RNF14: variants seen among roughly 807,000 people sequenced by gnomAD.
RNF14 encodes E3 ubiquitin-protein ligase RNF14.
In RNF14, 26 loss-of-function variants were observed where a neutral mutation model predicts 52.6. That is an observed-to-expected ratio of 0.49 (90% CI 0.36 to 0.69). The LOEUF (loss-of-function observed/expected upper bound fraction) is 0.69, where lower values mean the gene tolerates loss of function less well. Among genes scored for constraint, RNF14 ranks in the 30% least tolerant of loss-of-function variants. The pLI, the probability that RNF14 is intolerant of heterozygous loss-of-function variation, is 0.00. For synonymous variants in RNF14, 194 were observed against 202.0 expected, an observed-to-expected ratio of 0.96 and a Z score of 0.34; for missense variants, 404 against 560.4, an observed-to-expected ratio of 0.72 and a Z score of 2.82.
exon 1 of RNF14, chr5:141,958,362 A>T (rs138264607): frequency 1.7e-3 from 268 of 156,546 alleles, no homozygotes; most frequent in Middle Eastern, 0.017. Context: ...GACAGGCCAG[A>T]TGGGAAGCTG....
chr5:141,976,776 C>CTTTTT (rs70991717), intron 4 of RNF14, among the ~76,000 whole-genome samples: 2 of 100,066 alleles, frequency 2.0e-5, no homozygotes, highest in Non-Finnish European at 3.9e-5. Context: ...CTTTCTCTCT[C>CTTTTT]TTTTTTTTTT....
chr5:141,957,640 A>G, upstream of RNF14: 3 of 1,614,202 alleles, frequency 1.9e-6, no homozygotes, highest in Non-Finnish European at 2.5e-6. This position sits in a 1 kb window ranked among gnomAD's most constrained non-coding sequence, Gnocchi z 4.3. Context: ...CGCCTGAGGC[A>G]GCTGCAACAC....
rs1755093001 is a variant in RNF14, at chr5:141,984,797, C to T, written c.1237-6C>T. On this transcript the variant is annotated splice_region_variant and splice_polypyrimidine_tract_variant and intron_variant, in intron 7 of 8. Transcript: ENST00000394520. ...GATATTTTTCTCTTTCTATCCTTCC[C>T]ACCAGAAATTAGACGGATGTAACAA... 6.2e-7 allele frequency: 1 copy of T among 1,613,460 alleles called. No individual in the cohort carries two copies. The highest frequency in any genetic ancestry group is 1.7e-5 in the Admixed American group (1 of 59,988).
chr5:141,959,396 T>C (rs1331244032), intron 1 of RNF14, among the ~76,000 whole-genome samples: 2 of 152,138 alleles, frequency 1.3e-5, no homozygotes, highest in Admixed American at 6.5e-5. Flanking sequence ...TGGGTGGGCT[T>C]TGAGGTGGCC....
intron 7 of RNF14, among the ~76,000 whole-genome samples, chr5:141,983,793 A>C (rs534118203): frequency 6.6e-6 from 1 of 152,190 alleles, no homozygotes; most frequent in East Asian, 1.9e-4. Flanking sequence ...ATCCACCTCA[A>C]AATTGAATGG....
upstream of RNF14, among the ~76,000 whole-genome samples, chr5:141,963,813 G>A (rs888985453): frequency 1.3e-5 from 2 of 152,150 alleles, no homozygotes; most frequent in African/African-American, 4.8e-5. Context: ...GCTCTTGCAG[G>A]AAGGAAAATG....
At chr5:141,964,763 G>A (rs893088985), upstream of RNF14, among the ~76,000 whole-genome samples, 20 of 148,126 alleles carry the variant, frequency 1.4e-4, no homozygotes, top group African/African-American at 4.8e-4. Flanking sequence ...ACAGGTGCCC[G>A]CCACCAAGCC....
In RNF14 at chr5:141,976,776, C is replaced by CTT. The variant is rs70991717; in HGVS notation, c.307-1498_307-1497dup. 1.8e-3 allele frequency among the ~76,000 whole-genome samples: 180 copies of CTT among 100,040 alleles called. 1 individual carries two copies. The highest frequency in any genetic ancestry group is 2.8e-3 in the Non-Finnish European group (141 of 51,244). 65.6% of individuals were successfully genotyped at this position (100,040 alleles called of 152,430 possible). A position where few individuals can be genotyped will look rare whatever the true frequency, so the allele number is the denominator to read the frequency against. On this transcript the variant is annotated intron_variant, in intron 4 of 8. Coordinates refer to ENST00000394520, the MANE Select transcript of RNF14 (RefSeq NM_004290.5). ...ATGCATTCCAGCTGCCTTTCTCTCT[C>CTT]TTTTTTTTTTTTTTTTTTTTTTTTT... is the stretch of plus-strand genomic sequence containing the variant.
upstream of RNF14, among the ~76,000 whole-genome samples, chr5:141,963,798 G>A (rs566982823): frequency 5.1e-4 from 78 of 152,206 alleles, 1 homozygote; most frequent in South Asian, 0.015. Flanking sequence ...CCTTGCTTCA[G>A]AAAGGCTCTT....
At chr5:141,968,261 A>G (rs1471291090), upstream of RNF14, among the ~76,000 whole-genome samples, 3 of 151,868 alleles carry the variant, frequency 2.0e-5, no homozygotes, top group Non-Finnish European at 4.4e-5. Context: ...GCCCGCCACC[A>G]TGCCCGGCTT....
chr5:141,955,699 G>A (rs147575499), upstream of RNF14: 60 of 1,614,142 alleles, frequency 3.7e-5, no homozygotes, highest in East Asian at 4.7e-4. This position sits in a 1 kb window ranked among gnomAD's most constrained non-coding sequence, Gnocchi z 5.5. Context: ...GCAGATCACC[G>A]TCAGCATCGA....
chr5:141,973,483 C>T (rs1753980561), intron 2 of RNF14, 100 bp from the exon 3 acceptor site: 16 of 920,036 alleles, frequency 1.7e-5, no homozygotes, highest in Non-Finnish European at 2.5e-5. Flanking sequence ...GGTGATCCGC[C>T]CGCCTCGGCC....
upstream of RNF14, chr5:141,954,869 C>T: frequency 7.0e-7 from 1 of 1,426,790 alleles, no homozygotes; most frequent in South Asian, 1.4e-5. Flanking sequence ...GCCAGGTGAG[C>T]CTAAGGAAGA....
chr5:141,963,782 T>G (rs2126939391), upstream of RNF14, among the ~76,000 whole-genome samples: 1 of 152,350 alleles, frequency 6.6e-6, no homozygotes, highest in South Asian at 2.1e-4. Flanking sequence ...ATCGGCCTAA[T>G]TCTCTCCTTG....
chr5:141,966,594 A>G (rs1753355095), upstream of RNF14, among the ~76,000 whole-genome samples: 1 of 152,242 alleles, frequency 6.6e-6, no homozygotes, highest in Non-Finnish European at 1.5e-5. Flanking sequence ...AACCAGGCAC[A>G]TGAGACCAAA....
chr5:141,963,632 C>A (rs980966239), upstream of RNF14, among the ~76,000 whole-genome samples: 2 of 152,166 alleles, frequency 1.3e-5, no homozygotes, highest in Non-Finnish European at 2.9e-5. Context: ...GTCATCCAGT[C>A]ACTCATTTAT....
chr5:141,984,232 G>A (rs1755037611), intron 7 of RNF14, among the ~76,000 whole-genome samples: 1 of 151,830 alleles, frequency 6.6e-6, no homozygotes, highest in Admixed American at 6.6e-5. Flanking sequence ...CGAGTAGCTG[G>A]GATTACAGGC....
At chr5:141,956,499 A>G, upstream of RNF14, 1 of 1,614,212 alleles carries the variant, frequency 6.2e-7, no homozygotes, top group Non-Finnish European at 8.5e-7. Flanking sequence ...CGTTGATGTC[A>G]CTGATCTGAA....
upstream of RNF14, among the ~76,000 whole-genome samples, chr5:141,964,420 T>C (rs754004644): frequency 6.6e-6 from 1 of 152,190 alleles, no homozygotes; most frequent in Non-Finnish European, 1.5e-5. Context: ...TATGATCAGT[T>C]TCCTTAGCTT....
Sources: gnomAD v4.1 joint callset for allele counts (sites outside exome capture counted in the v4.1 genomes callset) on GRCh38, gnomAD v4.1.1 for gene constraint, Gnocchi (gnomAD v3.1) non-coding constraint, MANE v1.5 for transcripts, NCBI Gene and HGNC (gene_info 2026-07-23, HGNC 2026-07-21) for gene names.